C1orf94: variants seen among roughly 807,000 people sequenced by gnomAD.
C1orf94 encodes uncharacterized protein C1orf94.
In C1orf94, 45 loss-of-function variants were observed where a neutral mutation model predicts 53.6. The observed-to-expected ratio is 0.84, with a 90% CI of 0.66 to 1.08. The LOEUF (loss-of-function observed/expected upper bound fraction) is 1.08, where lower values mean the gene tolerates loss of function less well. C1orf94 is among the 50% of genes least tolerant of loss of function. The pLI, the probability that C1orf94 is intolerant of heterozygous loss-of-function variation, is 0.00. For synonymous variants in C1orf94, 304 were observed against 296.1 expected (o/e 1.03, Z -0.27); for missense variants, 762 against 738.9 (o/e 1.03, Z -0.36).
At chr1:34,189,501 G>A (rs2148614876) in intron 1 of C1orf94, among the ~76,000 whole-genome samples, 1 of 152,306 alleles carries the variant, frequency 6.6e-6, no homozygotes. Flanking sequence ...ACACTGGGCA[G>A]GGGCCACACT....
intron 1 of C1orf94, among the ~76,000 whole-genome samples, chr1:34,178,420 T>C (rs1394777522): frequency 6.6e-6 from 1 of 152,216 alleles, no homozygotes; most frequent in East Asian, 1.9e-4. Context: ...CTAAGGGTTA[T>C]ATGGCTTGTG....
intron 1 of C1orf94, among the ~76,000 whole-genome samples, chr1:34,170,956 C>T (rs1233934344): frequency 6.6e-6 from 1 of 152,204 alleles, no homozygotes; most frequent in Non-Finnish European, 1.5e-5. Context: ...TTTCAGGTTA[C>T]TTACAACAAC....
intron 1 of C1orf94, among the ~76,000 whole-genome samples, chr1:34,190,475 A>T (rs116773134): frequency 6.6e-6 from 1 of 152,054 alleles, no homozygotes; most frequent in Non-Finnish European, 1.5e-5. Flanking sequence ...TTCCCTCCTC[A>T]TGGTCTTTGC....
intron 4 of C1orf94, among the ~76,000 whole-genome samples, chr1:34,203,801 C>T (rs944715348): frequency 1.1e-4 from 16 of 152,154 alleles, no homozygotes; most frequent in Admixed American, 1.3e-4. Context: ...ACTTAATATC[C>T]CTTAAGAGCT....
intron 1 of C1orf94, among the ~76,000 whole-genome samples, chr1:34,168,271 A>G (rs1349914272): frequency 6.6e-6 from 1 of 152,120 alleles, no homozygotes; most frequent in South Asian, 2.1e-4. Context: ...GAGCCAGACT[A>G]TCTGTCTATG....
chr1:34,200,976 C>A lies in C1orf94; in HGVS notation c.1214C>A (p.Pro405Gln). 6.2e-7 allele frequency: 1 copy of A among 1,613,462 alleles called. No individual in the cohort carries two copies. Among genetic ancestry groups the A allele is most frequent in the Non-Finnish European group, 8.5e-7 (1 of 1,179,752 alleles). ...LYEFLGATKN[P>Q]SGQPRLRNKV... Reference sequence around the variant, plus strand: ...GAGTTCCTTGGGGCCACCAAGAACCCAAGCGGGCAGCCGAGACTTCGAAAC... The same window carrying A: ...GAGTTCCTTGGGGCCACCAAGAACCAAAGCGGGCAGCCGAGACTTCGAAAC... Residue 405 changes from proline (P) to glutamine (Q), a missense_variant, in exon 3 of 7, where the codon CCA becomes CAA. Transcript: ENST00000488417.
chr1:34,207,657 A>C (rs962711038), intron 4 of C1orf94, among the ~76,000 whole-genome samples: 1 of 152,224 alleles, frequency 6.6e-6, no homozygotes, highest in East Asian at 1.9e-4. Flanking sequence ...GGTGTATTTA[A>C]CATGGATGCA....
intron 1 of C1orf94, among the ~76,000 whole-genome samples, chr1:34,179,578 CCTTTACTTCCT>C (rs778588356): frequency 3.9e-5 from 6 of 152,236 alleles, no homozygotes; most frequent in Non-Finnish European, 8.8e-5. Flanking sequence ...CTCCATTTGG[CCTTTACTTCCT>C]CATTTGCAAA....
chr1:34,167,494 C>T (rs561000179), intron 1 of C1orf94, among the ~76,000 whole-genome samples: 99 of 152,318 alleles, frequency 6.5e-4, no homozygotes, highest in African/African-American at 2.3e-3. Flanking sequence ...TCATCCTTCT[C>T]CCTGGGGGCT....
At chr1:34,209,927 A>G (rs1642863729) in intron 5 of C1orf94, among the ~76,000 whole-genome samples, 1 of 152,158 alleles carries the variant, frequency 6.6e-6, no homozygotes, top group African/African-American at 2.4e-5. Context: ...AAATTTTAAA[A>G]CTTGGAGGCA....
upstream of C1orf94, among the ~76,000 whole-genome samples, chr1:34,174,726 T>C (rs542351839): frequency 9.0e-4 from 137 of 152,286 alleles, no homozygotes; most frequent in African/African-American, 2.9e-3. Context: ...ACCTCTAGAA[T>C]GGCAAGGAAA....
At chr1:34,184,881 G>A (rs543344213) in intron 1 of C1orf94, among the ~76,000 whole-genome samples, 3 of 151,974 alleles carry the variant, frequency 2.0e-5, no homozygotes, top group Non-Finnish European at 4.4e-5. Context: ...CCTGGTGATG[G>A]GAGTGATAAA....
intron 4 of C1orf94, among the ~76,000 whole-genome samples, chr1:34,207,400 G>A (rs1557488588): frequency 6.6e-6 from 1 of 152,202 alleles, no homozygotes; most frequent in Non-Finnish European, 1.5e-5. Flanking sequence ...AGCTGTTTAA[G>A]GGAGGAGGCA....
rs1400929149 is a variant in C1orf94, at chr1:34,177,191, G to A, written c.-599G>A. ...GGCAGCAGAGCAGCAGCGGGAGACC[G>A]GGAGCAGGAGGGGTAGGGCGAGAGA... On this transcript the variant is annotated 5_prime_UTR_variant, in exon 1 of 7. Coordinates refer to ENST00000488417, the MANE Select transcript of C1orf94 (RefSeq NM_001134734.2). 6.6e-6 allele frequency among the ~76,000 whole-genome samples: 1 copy of A among 152,210 alleles called. No individual in the cohort carries two copies. The highest frequency in any genetic ancestry group is 6.5e-5 in the Admixed American group (1 of 15,286).
In C1orf94 at chr1:34,168,617, G is replaced by C. The variant is rs1197936053; in HGVS notation, c.-251+1446G>C. ...AATGTATTGCCTCACAATTCTGGAG[G>C]CTGGAAGTCCAAGATCAAGAGGTCG... On this transcript the variant is annotated intron_variant, in intron 1 of 6. Transcript: ENST00000373374. 3.3e-5 allele frequency among the ~76,000 whole-genome samples: 5 copies of C among 152,190 alleles called. No homozygotes were observed. In the South Asian group the frequency reaches 1.0e-3, roughly 32 times the overall value.
At position 34,200,790 on chromosome 1, in the gene C1orf94, A is replaced by G; in HGVS notation, c.1028A>G (p.Lys343Arg). The change falls in exon 3 of 7, where the codon AAG becomes AGG. Residue 343 changes from lysine to arginine, a missense_variant. Transcript: ENST00000488417. ...HHLMEWSPGTKEPKKGQGSLF... is the reference protein window; with the variant it reads ...HHLMEWSPGTREPKKGQGSLF... ...GCTACAGAATGGAGCCCTGGCACCA[A>G]GGAGCCAAAAAAGGGTCAAGGGAGC... 6.2e-7 allele frequency: 1 copy of G among 1,614,146 alleles called. No individual in the cohort carries two copies. The highest frequency in any genetic ancestry group is 8.5e-7 in the Non-Finnish European group (1 of 1,180,002).
intron 1 of C1orf94, among the ~76,000 whole-genome samples, chr1:34,179,600 T>C (rs1464855878): frequency 6.6e-6 from 1 of 152,240 alleles, no homozygotes; most frequent in Non-Finnish European, 1.5e-5. Context: ...CATTTGCAAA[T>C]TGAGGGTGAT....
At chr1:34,181,415 C>T (rs1278254218) in intron 1 of C1orf94, among the ~76,000 whole-genome samples, 1 of 152,188 alleles carries the variant, frequency 6.6e-6, no homozygotes, top group African/African-American at 2.4e-5. Context: ...TTAATGACAA[C>T]CAATACTACA....
At chr1:34,183,019 G>T (rs1642333589) in intron 1 of C1orf94, among the ~76,000 whole-genome samples, 1 of 152,204 alleles carries the variant, frequency 6.6e-6, no homozygotes, top group Non-Finnish European at 1.5e-5. Context: ...TGAGTTCCAT[G>T]TCTGAGTCTT....
Sources: allele counts gnomAD v4.1 joint callset (sites outside exome capture counted in the v4.1 genomes callset), GRCh38; gene constraint gnomAD v4.1.1; transcripts MANE v1.5; gene names NCBI Gene and HGNC (gene_info 2026-07-23, HGNC 2026-07-21).